Variants in KCNQ5 observed in about 807,000 individuals in gnomAD.
KCNQ5 encodes potassium voltage-gated channel subfamily Q member 5.
KCNQ5 carries 30 observed loss-of-function variants against 98.2 expected under a neutral mutation model. The ratio of observed to expected loss-of-function variants is 0.31; its 90% CI spans 0.23 to 0.41. The LOEUF (loss-of-function observed/expected upper bound fraction) is 0.41, where lower values mean the gene tolerates loss of function less well. Among genes scored for constraint, KCNQ5 ranks in the 10% least tolerant of loss-of-function variants. The pLI is 1.00. For missense variants in KCNQ5, 835 were observed against 1,182.5 expected (o/e 0.71, Z 4.31); for synonymous variants, 458 against 449.4 (o/e 1.02, Z -0.24).
chr6:72,629,617 T>A (rs1006641621), intron 1 of KCNQ5, among the ~76,000 whole-genome samples: 3 of 152,182 alleles, frequency 2.0e-5, no homozygotes, highest in Non-Finnish European at 4.4e-5. Flanking sequence ...TGCAAAGAAG[T>A]AGCGCCAGTT....
At chr6:73,062,555 A>G (rs1388299463) in intron 3 of KCNQ5, among the ~76,000 whole-genome samples, 1 of 152,138 alleles carries the variant, frequency 6.6e-6, no homozygotes, top group East Asian at 1.9e-4. Flanking sequence ...TAAAAACAAC[A>G]CAGTCAACAT....
intron 1 of KCNQ5, among the ~76,000 whole-genome samples, chr6:72,944,037 T>G (rs1766427511): frequency 6.6e-6 from 1 of 152,222 alleles, no homozygotes; most frequent in South Asian, 2.1e-4. Flanking sequence ...AGACCCAGAA[T>G]GTTTAGCCCC....
intron 1 of KCNQ5, among the ~76,000 whole-genome samples, chr6:72,696,823 T>A (rs1027787307): frequency 2.6e-5 from 4 of 152,198 alleles, no homozygotes; most frequent in African/African-American, 9.7e-5. Flanking sequence ...TTTCAAAGCT[T>A]CAAGAATACA....
chr6:72,865,209 G>A (rs1166427003), intron 1 of KCNQ5, among the ~76,000 whole-genome samples: 1 of 152,066 alleles, frequency 6.6e-6, no homozygotes, highest in African/African-American at 2.4e-5. Flanking sequence ...AATCCTCCAG[G>A]TCTGCATCTC....
intron 1 of KCNQ5, among the ~76,000 whole-genome samples, chr6:72,682,106 T>C (rs1296251200): frequency 6.6e-6 from 1 of 152,216 alleles, no homozygotes; most frequent in Non-Finnish European, 1.5e-5. Context: ...AAATACTTCC[T>C]TAGATATTTT....
chr6:73,140,343 C>T lies in KCNQ5; in HGVS notation c.1468+6702C>T, dbSNP rs374295042. ...TGTTTCCACAAAATGCCAAGCACCACGCTGCACATAGCATTTTTCCTGACT... is the reference window on the plus strand; with the variant it reads ...TGTTTCCACAAAATGCCAAGCACCATGCTGCACATAGCATTTTTCCTGACT... On this transcript the variant is annotated intron_variant, in intron 10 of 13. Transcript: ENST00000370398. Among the ~76,000 whole-genome samples the T allele has an allele frequency of 7.9e-5, 12 of 152,328 alleles. No homozygotes were observed. In the East Asian group the frequency reaches 1.4e-3, roughly 17 times the overall value.
intron 1 of KCNQ5, among the ~76,000 whole-genome samples, chr6:72,807,380 CA>C (rs1775009136): frequency 6.6e-6 from 1 of 152,098 alleles, no homozygotes. Flanking sequence ...TCTTTACTTT[CA>C]AGAGGGTTAA....
At chr6:73,146,944 T>C (rs1776949953) in intron 10 of KCNQ5, among the ~76,000 whole-genome samples, 1 of 152,200 alleles carries the variant, frequency 6.6e-6, no homozygotes, top group African/African-American at 2.4e-5. Context: ...CACCAGGCTG[T>C]GAGTTTTATG....
intron 1 of KCNQ5, among the ~76,000 whole-genome samples, chr6:72,804,618 A>G (rs796484734): frequency 9.9e-5 from 15 of 152,276 alleles, no homozygotes; most frequent in African/African-American, 3.1e-4. Context: ...ATAGTGTGCA[A>G]TAAACATGGG....
chr6:72,662,067 G>A (rs1026151709), intron 1 of KCNQ5, among the ~76,000 whole-genome samples: 13 of 151,986 alleles, frequency 8.6e-5, no homozygotes, highest in Middle Eastern at 3.4e-3. Context: ...CCTCTTTTTG[G>A]CATAATCTTT....
chr6:72,766,031 T>C (rs986038086), intron 1 of KCNQ5, among the ~76,000 whole-genome samples: 5 of 152,086 alleles, frequency 3.3e-5, no homozygotes, highest in African/African-American at 1.2e-4. Context: ...ACTGCCTTTA[T>C]GTGGCTTATA....
At chr6:72,648,459 A>G (rs1765712788) in intron 1 of KCNQ5, among the ~76,000 whole-genome samples, 1 of 152,164 alleles carries the variant, frequency 6.6e-6, no homozygotes, top group African/African-American at 2.4e-5. Context: ...GATATATCTA[A>G]AGCCTAATGT....
intron 1 of KCNQ5, among the ~76,000 whole-genome samples, chr6:72,983,634 G>A (rs111890500): frequency 0.055 from 8,367 of 152,116 alleles, 793 homozygotes; most frequent in African/African-American, 0.19. Context: ...CTTTAGCTCG[G>A]AGAATTTTGT....
At chr6:73,007,556 G>C (rs139076353) in intron 2 of KCNQ5, among the ~76,000 whole-genome samples, 82 of 152,326 alleles carry the variant, frequency 5.4e-4, no homozygotes, top group African/African-American at 1.8e-3. Flanking sequence ...AACTTACAGA[G>C]GAAGGCTTAG....
chr6:72,950,849 G>A (rs909931308), intron 1 of KCNQ5, among the ~76,000 whole-genome samples: 12 of 152,186 alleles, frequency 7.9e-5, no homozygotes, highest in Non-Finnish European at 1.6e-4. Context: ...CTATCATGAT[G>A]TCATAAGGAT....
At position 73,169,777 on chromosome 6, in the gene KCNQ5, T is replaced by C. The variant is rs769019230; in HGVS notation, c.1500T>C (p.Tyr500=). The C allele has an allele frequency of 2.5e-6, 4 of 1,613,848 alleles. No homozygotes were observed. The highest frequency in any genetic ancestry group is 1.3e-5 in the African/African-American group (1 of 75,046). Residue 500 remains tyrosine, a synonymous_variant, in exon 11 of 14, where the codon TAT becomes TAC. Coordinates refer to ENST00000370398, the MANE Select transcript of KCNQ5 (RefSeq NM_019842.4). ...ADTALGTDDV[Y]DEKGCQCDVS... is the part of the protein sequence containing the mutation. The stretch of plus-strand genomic sequence containing the variant: ...CAGCCCTTGGCACTGATGATGTATA[T>C]GATGAAAAAGGATGCCAGTGTGATG...
At chr6:73,163,460 A>G (rs1209953640) in intron 10 of KCNQ5, among the ~76,000 whole-genome samples, 6 of 151,846 alleles carry the variant, frequency 4.0e-5, no homozygotes, top group Non-Finnish European at 8.8e-5. Context: ...AAAAATAACT[A>G]AATAGGCCAG....
chr6:72,752,919 C>A (rs1225778488), intron 1 of KCNQ5, among the ~76,000 whole-genome samples: 4 of 152,078 alleles, frequency 2.6e-5, no homozygotes, highest in African/African-American at 9.7e-5. Context: ...TCTAGATAGA[C>A]TCTAAAAGAA....
At chr6:72,985,003 T>C (rs1006702106) in intron 1 of KCNQ5, among the ~76,000 whole-genome samples, 5 of 152,162 alleles carry the variant, frequency 3.3e-5, no homozygotes, top group Non-Finnish European at 5.9e-5. Context: ...AATCAGTAGT[T>C]AGACCAGCCT....
Sources: allele counts gnomAD v4.1 joint callset (sites outside exome capture counted in the v4.1 genomes callset), GRCh38; gene constraint gnomAD v4.1.1; transcripts MANE v1.5; gene names NCBI Gene and HGNC (gene_info 2026-07-23, HGNC 2026-07-21).